The following VWC2L variants were observed in gnomAD, a reference collection of about 807,000 sequenced individuals.
The protein encoded by VWC2L is von Willebrand factor C domain containing 2 like.
VWC2L carries 10 observed loss-of-function variants against 21.6 expected under a neutral mutation model. The ratio of observed to expected loss-of-function variants is 0.46; its 90% CI spans 0.29 to 0.78. The LOEUF (loss-of-function observed/expected upper bound fraction) is 0.78, where lower values mean the gene tolerates loss of function less well. VWC2L is among the 30% of genes least tolerant of loss of function. VWC2L has a pLI of 0.10. For synonymous variants in VWC2L, 96 were observed against 94.3 expected (o/e 1.02, Z -0.10); for missense variants, 209 against 277.1 (o/e 0.75, Z 1.74).
intron 3 of VWC2L, among the ~76,000 whole-genome samples, chr2:214,515,747 G>T (rs537543451): frequency 6.6e-6 from 1 of 152,134 alleles, no homozygotes; most frequent in African/African-American, 2.4e-5. Context: ...TAGAGATGGG[G>T]TTTCACCATG....
intron 3 of VWC2L, among the ~76,000 whole-genome samples, chr2:214,528,710 TAAC>T (rs1050977528): frequency 2.6e-5 from 4 of 151,872 alleles, no homozygotes; most frequent in Non-Finnish European, 4.4e-5. Context: ...TGTCAAAAAA[TAAC>T]AACAACAAAA....
chr2:214,457,385 AG>A (rs2126187164), intron 3 of VWC2L, among the ~76,000 whole-genome samples: 1 of 152,218 alleles, frequency 6.6e-6, no homozygotes, highest in African/African-American at 2.4e-5. Context: ...GCAATTTATC[AG>A]ATCCAAAAGT....
chr2:214,421,969 A>T (rs1018095530), intron 2 of VWC2L, among the ~76,000 whole-genome samples: 2 of 130,312 alleles, frequency 1.5e-5, no homozygotes, highest in Admixed American at 9.2e-5. Flanking sequence ...TCGACTCTGC[A>T]AGCTCCGCCT....
intron 3 of VWC2L, among the ~76,000 whole-genome samples, chr2:214,478,439 A>G (rs1688556410): frequency 6.6e-6 from 1 of 151,630 alleles, no homozygotes; most frequent in South Asian, 2.1e-4. Context: ...AGATCGCGCC[A>G]CTGCACTCTA....
rs577657931 is a variant in VWC2L at position 214,514,260 on chromosome 2, T to C, written c.521-61412T>C. Among the ~76,000 whole-genome samples, 25 of 152,128 alleles carry C rather than the reference T, an allele frequency of 1.6e-4. 1 individual carries two copies. The South Asian group carries it at 5.0e-3, about 30-fold the overall frequency. ...GTAATCTCTGTGTTAATACCAGACA[T>C]AGACAGAAAGCATCTGTATTATGTC... is the stretch of plus-strand genomic sequence containing the variant. On this transcript the variant is annotated intron_variant, in intron 3 of 3. Transcript: ENST00000312504.
chr2:214,577,794 A>C lies in VWC2L; in HGVS notation c.*1974A>C, dbSNP rs1439333785. ...TCAAGAAAGAGTTGTCATTTCCAAA[A>C]TTAACGTGCTGACGAGTCAGACCTG... On this transcript the variant is annotated 3_prime_UTR_variant, in exon 4 of 4. Transcript: ENST00000312504. 6.6e-6 allele frequency: 1 copy of C among 152,186 alleles called. No individual in the cohort carries two copies. The highest frequency in any genetic ancestry group is 2.4e-5 in the African/African-American group (1 of 41,442). 9.4% of individuals were successfully genotyped at this position (152,186 alleles called of 1,614,324 possible).
intron 3 of VWC2L, among the ~76,000 whole-genome samples, chr2:214,493,748 T>C (rs1046700080): frequency 1.3e-5 from 2 of 152,158 alleles, no homozygotes; most frequent in African/African-American, 4.8e-5. Context: ...TCTAAGGTAC[T>C]GGGGAGGCAG....
chr2:214,493,500 C>A lies in VWC2L; in HGVS notation c.520+56742C>A, dbSNP rs1688772431. Among the ~76,000 whole-genome samples the A allele has an allele frequency of 3.3e-5, 5 of 152,172 alleles. No individual in the cohort carries two copies. In the South Asian group the frequency reaches 1.0e-3, roughly 32 times the overall value. On this transcript the variant is annotated intron_variant, in intron 3 of 3. Transcript: ENST00000312504. ...TTCCATCCTTTGGTGCTGCTTTTCT[C>A]TCTATTCCTTTGCATTCTTGTGCAT...
At chr2:214,544,675 C>A (rs991910199) in intron 3 of VWC2L, among the ~76,000 whole-genome samples, 1 of 152,068 alleles carries the variant, frequency 6.6e-6, no homozygotes, top group South Asian at 2.1e-4. Context: ...GTCTCTTCCC[C>A]CCTCTGAGTT....
At chr2:214,520,071 A>ACACACACG (rs1553598721) in intron 3 of VWC2L, among the ~76,000 whole-genome samples, 1 of 151,380 alleles carries the variant, frequency 6.6e-6, no homozygotes, top group Admixed American at 6.6e-5. Context: ...ACACACACAC[A>ACACACACG]CACACACACA....
intron 3 of VWC2L, among the ~76,000 whole-genome samples, chr2:214,463,674 T>G (rs572317026): frequency 6.6e-6 from 1 of 152,280 alleles, no homozygotes; most frequent in Non-Finnish European, 1.5e-5. Flanking sequence ...TATTTTTGTT[T>G]GTTGGATATT....
chr2:214,542,355 C>T (rs1326556953), intron 3 of VWC2L, among the ~76,000 whole-genome samples: 1 of 152,228 alleles, frequency 6.6e-6, no homozygotes, highest in East Asian at 1.9e-4. Context: ...TGTCTGGGGA[C>T]TGAGATTGCC....
chr2:214,576,052 A>G lies in VWC2L; in HGVS notation c.*232A>G, dbSNP rs151174848. 2,538 of 281,968 alleles carry G rather than the reference A, an allele frequency of 9.0e-3. 26 individuals carry two copies. Among genetic ancestry groups the G allele is most frequent in the Non-Finnish European group, 0.014 (2,082 of 153,962 alleles). 17.5% of individuals were successfully genotyped at this position (281,968 alleles called of 1,614,324 possible). A position where few individuals can be genotyped will look rare whatever the true frequency, so the allele number is the denominator to read the frequency against. Reference sequence around the variant, plus strand: ...ATCTAAATCGCTTTTGTATTTACCAATGCTTGATGGTGACTTGACGACTGG... The same window carrying G: ...ATCTAAATCGCTTTTGTATTTACCAGTGCTTGATGGTGACTTGACGACTGG... On this transcript the variant is annotated 3_prime_UTR_variant, in exon 4 of 4. Transcript: ENST00000312504.
intron 3 of VWC2L, among the ~76,000 whole-genome samples, chr2:214,478,890 C>G (rs914990766): frequency 1.3e-5 from 2 of 152,206 alleles, no homozygotes; most frequent in African/African-American, 4.8e-5. Flanking sequence ...AGCTACCATT[C>G]TGCTCTGCTT....
intron 3 of VWC2L, among the ~76,000 whole-genome samples, chr2:214,456,404 T>G (rs908264330): frequency 2.8e-4 from 42 of 152,040 alleles, no homozygotes; most frequent in African/African-American, 1.0e-3. Flanking sequence ...TTTGTTTGGG[T>G]TTTTTTGTTT....
chr2:214,526,435 T>A (rs1689339007), intron 3 of VWC2L, among the ~76,000 whole-genome samples: 1 of 152,168 alleles, frequency 6.6e-6, no homozygotes, highest in Admixed American at 6.6e-5. Context: ...TTTCGATTCG[T>A]TCACTGTAGA....
chr2:214,488,260 T>C (rs2126199780), intron 3 of VWC2L, among the ~76,000 whole-genome samples: 1 of 152,340 alleles, frequency 6.6e-6, no homozygotes, highest in South Asian at 2.1e-4. Context: ...CTCTCATTTA[T>C]AGCTCACATC....
intron 3 of VWC2L, among the ~76,000 whole-genome samples, chr2:214,521,438 T>G (rs1417520519): frequency 1.3e-5 from 2 of 152,154 alleles, no homozygotes; most frequent in East Asian, 3.9e-4. Context: ...CTTAACTAAT[T>G]CTGCATTTCC....
intron 3 of VWC2L, among the ~76,000 whole-genome samples, chr2:214,551,793 C>T (rs1285380545): frequency 6.6e-6 from 1 of 152,234 alleles, no homozygotes; most frequent in Non-Finnish European, 1.5e-5. Flanking sequence ...AAATATTCCT[C>T]TTCATACCAC....
Sources: allele counts gnomAD v4.1 joint callset (sites outside exome capture counted in the v4.1 genomes callset), GRCh38; gene constraint gnomAD v4.1.1; transcripts MANE v1.5; gene names NCBI Gene and HGNC (gene_info 2026-07-23, HGNC 2026-07-21).